Variants in EDARADD observed in about 807,000 individuals in gnomAD.
EDARADD encodes ectodysplasin-A receptor-associated adapter protein.
In EDARADD, 20 loss-of-function variants were observed where a neutral mutation model predicts 25.6. That is an observed-to-expected ratio of 0.78 (90% CI 0.55 to 1.14). EDARADD has a LOEUF of 1.14. EDARADD is among the 50% of genes most tolerant of loss of function. The pLI is 0.00. For synonymous variants in EDARADD, 86 were observed against 94.4 expected (o/e 0.91, Z 0.52); for missense variants, 225 against 270.1 (o/e 0.83, Z 1.17).
At chr1:236,430,102 T>C (rs1167540350) in intron 4 of EDARADD, among the ~76,000 whole-genome samples, 1 of 152,230 alleles carries the variant, frequency 6.6e-6, no homozygotes, top group African/African-American at 2.4e-5. Flanking sequence ...GCAGTTTAAA[T>C]TAAAACACAT....
At chr1:236,410,664 T>TC in intron 2 of EDARADD, among the ~76,000 whole-genome samples, 1 of 152,306 alleles carries the variant, frequency 6.6e-6, no homozygotes, top group East Asian at 1.9e-4. Context: ...TAGGACACAT[T>TC]CCTTCTGTTC....
intron 4 of EDARADD, among the ~76,000 whole-genome samples, chr1:236,458,635 CTTTTTCTTTTTTT>C (rs1424408495): frequency 7.5e-6 from 1 of 132,570 alleles, no homozygotes; most frequent in African/African-American, 2.7e-5. Context: ...GGTATTTTTT[CTTTTTCTTTTTTT>C]TTTTTTTTTT....
At chr1:236,412,148 A>C (rs1311618746) in intron 2 of EDARADD, among the ~76,000 whole-genome samples, 2 of 151,988 alleles carry the variant, frequency 1.3e-5, no homozygotes, top group African/African-American at 2.4e-5. Flanking sequence ...GTGCTTCTTA[A>C]TACGCCATGC....
At position 236,482,462 on chromosome 1, in the gene EDARADD, G is replaced by A. The variant is rs201032777; in HGVS notation, c.461G>A (p.Cys154Tyr). ...SKWGMSYDEL[C>Y]FLEQRPQSPT... ...TGGGGGATGTCCTATGACGAATTGT[G>A]CTTCCTGGAGCAGAGGCCACAGAGC... is the stretch of plus-strand genomic sequence containing the variant. Residue 154 changes from cysteine (C) to tyrosine (Y), a missense_variant, in exon 6 of 6, where the codon TGC (cysteine) becomes TAC (tyrosine). Coordinates refer to ENST00000334232, the MANE Select transcript of EDARADD (RefSeq NM_145861.4). 42 of 1,614,028 alleles carry A rather than the reference G, an allele frequency of 2.6e-5. No individual in the cohort carries two copies. The highest frequency in any genetic ancestry group is 3.5e-5 in the Non-Finnish European group (41 of 1,180,020).
intron 1 of EDARADD, among the ~76,000 whole-genome samples, chr1:236,397,063 A>T (rs906100025): frequency 6.6e-6 from 1 of 152,132 alleles, no homozygotes; most frequent in Non-Finnish European, 1.5e-5. Context: ...CTAAATCGAC[A>T]GTACCAGGCA....
intron 3 of EDARADD, among the ~76,000 whole-genome samples, chr1:236,363,030 T>TATATATATATATATATAAAA (rs796610771): frequency 4.3e-4 from 44 of 101,918 alleles, no homozygotes; most frequent in African/African-American, 1.0e-3. Context: ...TATATATATA[T>TATATATATATATATATAAAA]ATAAAATTTG....
chr1:236,455,843 G>A (rs1310215681), intron 4 of EDARADD, among the ~76,000 whole-genome samples: 1 of 152,202 alleles, frequency 6.6e-6, no homozygotes, highest in Non-Finnish European at 1.5e-5. Context: ...AGGCTGGAGA[G>A]CAGTTGCGCG....
rs10550022 is a variant in EDARADD, at chr1:236,356,756, C to CA, written c.-6+5928dup. ...ACAGCCCCTTTAAAACAAAACAAAACAAAAAAAAAAACCACACCAATTTGG... is the reference window on the plus strand; with the variant it reads ...ACAGCCCCTTTAAAACAAAACAAAACAAAAAAAAAAAACCACACCAATTTGG... On this transcript the variant is annotated intron_variant, in intron 3 of 7. Transcript: ENST00000439430. Among the ~76,000 whole-genome samples, 416 of 148,328 alleles carry CA rather than the reference C, an allele frequency of 2.8e-3. 3 individuals carry two copies. The highest frequency in any genetic ancestry group is 8.8e-3 in the African/African-American group (358 of 40,570).
chr1:236,452,106 G>T (rs1658729103), intron 4 of EDARADD, among the ~76,000 whole-genome samples: 1 of 152,170 alleles, frequency 6.6e-6, no homozygotes, highest in Admixed American at 6.5e-5. Context: ...TTGGGCCTGT[G>T]AGTACCCACA....
intron 4 of EDARADD, among the ~76,000 whole-genome samples, chr1:236,449,469 G>A (rs1658651007): frequency 6.6e-6 from 1 of 152,166 alleles, no homozygotes; most frequent in Non-Finnish European, 1.5e-5. Flanking sequence ...TAGCATCCAG[G>A]GTATTGTGTG....
At chr1:236,443,813 A>C (rs1658464008) in intron 4 of EDARADD, among the ~76,000 whole-genome samples, 1 of 152,252 alleles carries the variant, frequency 6.6e-6, no homozygotes, top group South Asian at 2.1e-4. Flanking sequence ...TAATGCACGA[A>C]GCAGGGGCAG....
chr1:236,404,862 G>A (rs576610123), intron 1 of EDARADD, among the ~76,000 whole-genome samples: 1 of 152,202 alleles, frequency 6.6e-6, no homozygotes, highest in South Asian at 2.1e-4. Context: ...GGAGGCTGAG[G>A]TGGGTGGATC....
chr1:236,456,510 A>G (rs915419082), intron 4 of EDARADD, among the ~76,000 whole-genome samples: 2 of 152,060 alleles, frequency 1.3e-5, no homozygotes, highest in Admixed American at 1.3e-4. Flanking sequence ...TCTACCTCCC[A>G]TTGGTATTTC....
chr1:236,464,900 A>G (rs1425708296), intron 4 of EDARADD, among the ~76,000 whole-genome samples: 1 of 151,712 alleles, frequency 6.6e-6, no homozygotes, highest in Non-Finnish European at 1.5e-5. Flanking sequence ...TTCTTTCATA[A>G]TCACTTTGAC....
At chr1:236,424,559 C>T (rs1657862704) in intron 3 of EDARADD, among the ~76,000 whole-genome samples, 1 of 152,090 alleles carries the variant, frequency 6.6e-6, no homozygotes, top group Admixed American at 6.6e-5. Flanking sequence ...CTTCTCTACT[C>T]TGCTCATATT....
chr1:236,427,433 T>C lies in EDARADD; in HGVS notation c.202T>C (p.Ser68Pro), dbSNP rs368460579. ...DTITLNCPRN[S>P]DMKNQGEENG... Reference sequence around the variant, plus strand: ...AATTACTTTGAACTGCCCACGAAATTCAGATATGAAAAATCAGGTAAGAAT... The same window carrying C: ...AATTACTTTGAACTGCCCACGAAATCCAGATATGAAAAATCAGGTAAGAAT... The change falls in exon 4 of 6, where the codon TCA (serine) becomes CCA (proline). Residue 68 changes from serine (S) to proline (P), a missense_variant. Coordinates refer to ENST00000334232, the MANE Select transcript of EDARADD (RefSeq NM_145861.4). The C allele has an allele frequency of 4.3e-6, 7 of 1,612,414 alleles. No homozygotes were observed. Among genetic ancestry groups the C allele is most frequent in the Non-Finnish European group, 5.9e-6 (7 of 1,179,382 alleles).
At chr1:236,470,473 G>A (rs1659329640) in intron 5 of EDARADD, among the ~76,000 whole-genome samples, 2 of 152,172 alleles carry the variant, frequency 1.3e-5, no homozygotes, top group African/African-American at 4.8e-5. Context: ...AGAAATATTT[G>A]TAAACCCTTC....
At chr1:236,482,160 T>A in intron 5 of EDARADD, 107 bp from the exon 6 acceptor site, 1 of 1,328,336 alleles carries the variant, frequency 7.5e-7, no homozygotes, top group Non-Finnish European at 1.1e-6. Context: ...GAAATAGTCT[T>A]CCATATGATG....
At chr1:236,363,507 G>A (rs1759372) in intron 3 of EDARADD, among the ~76,000 whole-genome samples, 52,000 of 150,882 alleles carry the variant, frequency 0.34, 9,188 homozygotes, top group African/African-American at 0.43. Flanking sequence ...ACTTGAGGCC[G>A]GGAGTTTGAG....
Sources: allele counts gnomAD v4.1 joint callset (sites outside exome capture counted in the v4.1 genomes callset), GRCh38; gene constraint gnomAD v4.1.1; transcripts MANE v1.5; gene names NCBI Gene and HGNC (gene_info 2026-07-23, HGNC 2026-07-21).